The following MED21 variants were observed in gnomAD, a reference collection of about 807,000 sequenced individuals.
MED21 encodes the protein mediator complex subunit 21, also known as mediator of RNA polymerase II transcription subunit 21.
A neutral mutation model predicts 18.2 loss-of-function variants in MED21; 9 were observed. That is an observed-to-expected ratio of 0.49 (90% CI 0.30 to 0.86). The LOEUF is 0.86. Ranked by LOEUF, MED21 falls within the 40% of genes least tolerant of loss-of-function variation. The pLI is 0.07. For missense variants in MED21, 150 were observed against 170.9 expected (o/e 0.88, Z 0.68); for synonymous variants, 73 against 60.5 (o/e 1.21, Z -0.96).
At chr12:27,028,085 T>C (rs1021656385) in intron 3 of MED21, among the ~76,000 whole-genome samples, 200 bp from the exon 4 acceptor site, 2 of 152,194 alleles carry the variant, frequency 1.3e-5, no homozygotes, top group Non-Finnish European at 2.9e-5. Flanking sequence ...CTTAAAGATA[T>C]CTAGAGATCT....
rs1218373811 is a variant in MED21, at chr12:27,030,525, G to C, written c.*2064G>C. 4.0e-6 allele frequency: 1 copy of C among 249,864 alleles called. No homozygotes were observed. The highest frequency in any genetic ancestry group is 7.5e-6 in the Non-Finnish European group (1 of 132,884). The allele number at this position is 249,864 out of a possible 1,614,324, so 15.5% of individuals were successfully genotyped here. ...AAAGATTCAGGTAACCCAGGAACGA[G>C]AAACAGAATAAAACAATAGTAAACC... On this transcript the variant is annotated 3_prime_UTR_variant, in exon 4 of 4. Transcript: ENST00000282892.
downstream of MED21, among the ~76,000 whole-genome samples, chr12:27,033,334 C>T (rs539156202): frequency 2.6e-4 from 40 of 152,254 alleles, no homozygotes; most frequent in African/African-American, 9.1e-4. Context: ...GCAAGGGAAA[C>T]TCTTGGGCCT....
At chr12:27,037,610 A>G (rs990451656) in intron 2 of MED21, 1 of 152,196 alleles carries the variant, frequency 6.6e-6, no homozygotes, top group African/African-American at 2.4e-5. Context: ...AATTGCATAT[A>G]TCACAATAAA....
At position 27,029,811 on chromosome 12, in the gene MED21, A is replaced by AT; in HGVS notation, c.*1350_*1351insT. 1 of 993,868 alleles carries AT rather than the reference A, an allele frequency of 1.0e-6. No homozygotes were observed. Among genetic ancestry groups the AT allele is most frequent in the Non-Finnish European group, 1.2e-6 (1 of 835,144 alleles). The allele number at this position is 993,868 out of a possible 1,614,324, so 61.6% of individuals were successfully genotyped here. A position where few individuals can be genotyped will look rare whatever the true frequency, so the allele number is the denominator to read the frequency against. On this transcript the variant is annotated 3_prime_UTR_variant, in exon 4 of 4. Coordinates refer to ENST00000282892, the MANE Select transcript of MED21 (RefSeq NM_004264.5). ...TGGGGGGAGAGAAGATTCAGTCAGA[A>AT]AACTTATTCAAAGTACCTAAGTATT...
chr12:27,031,468 T>C (rs1941618764), downstream of MED21, among the ~76,000 whole-genome samples: 1 of 152,210 alleles, frequency 6.6e-6, no homozygotes, highest in Admixed American at 6.5e-5. Flanking sequence ...TTTGATTTAA[T>C]ATAAGTAAAC....
intron 1 of MED21, among the ~76,000 whole-genome samples, chr12:27,024,883 T>G (rs1941522569): frequency 6.6e-6 from 1 of 152,226 alleles, no homozygotes; most frequent in Admixed American, 6.5e-5. Flanking sequence ...TAAATTGGAA[T>G]ATGGAGTGAT....
downstream of MED21, among the ~76,000 whole-genome samples, chr12:27,034,907 C>T (rs572017455): frequency 2.6e-5 from 4 of 152,238 alleles, no homozygotes; most frequent in South Asian, 2.1e-4. Flanking sequence ...CCTGTCACCA[C>T]GCCTGGCTAA....
intron 1 of MED21, among the ~76,000 whole-genome samples, chr12:27,023,574 GGT>G (rs1005405877): frequency 6.6e-6 from 1 of 152,016 alleles, no homozygotes; most frequent in Admixed American, 6.6e-5. Context: ...TGGGATTACA[GGT>G]GTGAGCCACC....
intron 1 of MED21, chr12:27,022,854 A>G (rs1161872927): frequency 1.4e-6 from 2 of 1,449,022 alleles, no homozygotes; most frequent in Admixed American, 2.3e-5. Context: ...GGAGACCGGG[A>G]AGATCGTTCT....
At chr12:27,031,611 G>A, downstream of MED21, among the ~76,000 whole-genome samples, 1 of 151,944 alleles carries the variant, frequency 6.6e-6, no homozygotes, top group South Asian at 2.1e-4. Context: ...ACAAATTCCA[G>A]ATTTCCATCC....
At chr12:27,023,003 T>C in intron 1 of MED21, 1 of 813,710 alleles carries the variant, frequency 1.2e-6, no homozygotes, top group Non-Finnish European at 1.6e-6. Context: ...GCTTTTTTCT[T>C]TCCTCATCAA....
chr12:27,032,676 A>G (rs1941627964), downstream of MED21, among the ~76,000 whole-genome samples: 1 of 152,244 alleles, frequency 6.6e-6, no homozygotes, highest in Non-Finnish European at 1.5e-5. Context: ...AAGAACCACT[A>G]GAACTGTGAG....
At chr12:27,034,198 C>G (rs1181418546), downstream of MED21, among the ~76,000 whole-genome samples, 2 of 152,190 alleles carry the variant, frequency 1.3e-5, no homozygotes, top group East Asian at 3.9e-4. Context: ...GGTGGATCAC[C>G]TGAGGTCAGG....
chr12:27,028,378 A>T lies in MED21; in HGVS notation c.352A>T (p.Ile118Leu), dbSNP rs2136488310. Residue 118 changes from isoleucine (I) to leucine (L), a missense_variant, in exon 4 of 4, where the codon ATA becomes TTA. Coordinates refer to ENST00000282892, the MANE Select transcript of MED21 (RefSeq NM_004264.5). ...VYRGDMLLEKIQSALADIAQS... is the reference protein window; with the variant it reads ...VYRGDMLLEKLQSALADIAQS... ...TCGAGGAGACATGCTTCTGGAGAAG[A>T]TACAAAGCGCACTTGCTGATATTGC... 1 of 1,614,170 alleles carries T rather than the reference A, an allele frequency of 6.2e-7. No individual in the cohort carries two copies. The highest frequency in any genetic ancestry group is 2.2e-5 in the East Asian group (1 of 44,874).
chr12:27,026,286 A>G, intron 1 of MED21, 134 bp from the exon 2 acceptor site: 3 of 539,530 alleles, frequency 5.6e-6, no homozygotes, highest in Non-Finnish European at 9.7e-6. Flanking sequence ...TATTTTATCA[A>G]CAATCACTCC....
intron 1 of MED21, among the ~76,000 whole-genome samples, chr12:27,025,071 T>C (rs1029775272): frequency 3.3e-5 from 5 of 152,252 alleles, no homozygotes; most frequent in African/African-American, 1.2e-4. Flanking sequence ...TTTTGTTGAC[T>C]AAATGGATCT....
At chr12:27,035,403 CTTT>C (rs374063412), downstream of MED21, among the ~76,000 whole-genome samples, 9 of 137,460 alleles carry the variant, frequency 6.5e-5, no homozygotes, top group Non-Finnish European at 7.8e-5. Context: ...AACTAAATCT[CTTT>C]TTTTTTTTTT....
At chr12:27,032,907 T>A (rs78764926), downstream of MED21, among the ~76,000 whole-genome samples, 2,924 of 152,188 alleles carry the variant, frequency 0.019, 91 homozygotes, top group African/African-American at 0.066. Context: ...TCCCTCCTTT[T>A]CCCCTCCTGA....
intron 1 of MED21, among the ~76,000 whole-genome samples, chr12:27,025,444 G>A (rs1033683583): frequency 3.3e-5 from 5 of 152,158 alleles, no homozygotes; most frequent in African/African-American, 1.2e-4. Flanking sequence ...AAGCTTAAAT[G>A]TTTTGATCAG....
Sources: gnomAD v4.1 joint callset for allele counts (sites outside exome capture counted in the v4.1 genomes callset) on GRCh38, gnomAD v4.1.1 for gene constraint, MANE v1.5 for transcripts, NCBI Gene and HGNC (gene_info 2026-07-23, HGNC 2026-07-21) for gene names.